TUSC3: variants seen among roughly 807,000 people sequenced by gnomAD.
TUSC3 encodes tumor suppressor candidate 3, also known as dolichyl-diphosphooligosaccharide--protein glycosyltransferase subunit TUSC3.
Under a neutral mutation model 44.8 loss-of-function variants are expected in TUSC3, and 45 were observed. The observed-to-expected ratio is 1.00, with a 90% CI of 0.79 to 1.29. The LOEUF (loss-of-function observed/expected upper bound fraction) is 1.29, where lower values mean the gene tolerates loss of function less well. TUSC3 is among the 50% of genes most tolerant of loss of function. The probability of loss-of-function intolerance (pLI) is 0.00; values close to 1 mark genes in which losing one functional copy is unlikely to be tolerated. For synonymous variants in TUSC3, 212 were observed against 152.9 expected, an observed-to-expected ratio of 1.39 and a Z score of -2.85; for missense variants, 519 against 437.9, an observed-to-expected ratio of 1.19 and a Z score of -1.65.
At chr8:15,572,594 G>A (rs950113851) in intron 1 of TUSC3, among the ~76,000 whole-genome samples, 6 of 152,162 alleles carry the variant, frequency 3.9e-5, no homozygotes, top group African/African-American at 1.4e-4. Flanking sequence ...CGGTGCAAGA[G>A]GTGTAGCTTT....
chr8:15,487,563 A>G (rs1284915736), intron 2 of TUSC3, among the ~76,000 whole-genome samples: 2 of 152,204 alleles, frequency 1.3e-5, no homozygotes, highest in African/African-American at 4.8e-5. Flanking sequence ...TTACTGAGAT[A>G]CTAAACATTT....
the TUSC3 span, among the ~76,000 whole-genome samples, chr8:15,779,265 G>A: frequency 2.0e-5 from 3 of 152,182 alleles, no homozygotes; most frequent in Middle Eastern, 3.4e-3. Flanking sequence ...TTGGGGTCTC[G>A]CTTTGTTGCC....
At chr8:15,523,548 T>A (rs1801325954) in intron 2 of TUSC3, among the ~76,000 whole-genome samples, 1 of 151,222 alleles carries the variant, frequency 6.6e-6, no homozygotes, top group Non-Finnish European at 1.5e-5. Context: ...AATAATAGCA[T>A]GTTAAATAAT....
At chr8:15,501,969 C>T (rs79893885) in intron 2 of TUSC3, among the ~76,000 whole-genome samples, 4,789 of 152,212 alleles carry the variant, frequency 0.031, 108 homozygotes, top group South Asian at 0.071. Context: ...TTCCTTCTGA[C>T]GTTTACCTTT....
the TUSC3 span, among the ~76,000 whole-genome samples, chr8:15,837,512 G>T: frequency 6.0e-5 from 9 of 150,858 alleles, no homozygotes; most frequent in African/African-American, 2.2e-4. Context: ...CCTGATTTTC[G>T]TCTTTCCCCC....
At chr8:15,509,334 C>T (rs1213405342) in intron 2 of TUSC3, among the ~76,000 whole-genome samples, 3 of 152,288 alleles carry the variant, frequency 2.0e-5, no homozygotes, top group Non-Finnish European at 2.9e-5. Context: ...AAAGGCCAGA[C>T]GTGATGGCTC....
chr8:15,747,417 C>G (rs182878651), intron 8 of TUSC3, among the ~76,000 whole-genome samples: 1 of 151,700 alleles, frequency 6.6e-6, no homozygotes, highest in Admixed American at 6.6e-5. Flanking sequence ...AAGAGATTAA[C>G]ACTAATTTCT....
intron 1 of TUSC3, among the ~76,000 whole-genome samples, chr8:15,462,692 A>G (rs767056695): frequency 6.6e-5 from 10 of 152,142 alleles, no homozygotes; most frequent in Non-Finnish European, 1.0e-4. Context: ...AATTTAGTCT[A>G]TTATACTCCT....
At chr8:15,421,092 T>C (rs1405335735) in intron 1 of TUSC3, among the ~76,000 whole-genome samples, 2 of 152,342 alleles carry the variant, frequency 1.3e-5, no homozygotes, top group East Asian at 3.9e-4. Context: ...CATGTCCAAA[T>C]TAATACATCC....
chr8:15,555,202 G>A (rs1166094008), intron 1 of TUSC3, among the ~76,000 whole-genome samples: 2 of 118,966 alleles, frequency 1.7e-5, no homozygotes, highest in Non-Finnish European at 3.3e-5. Flanking sequence ...AGGGTGGAGT[G>A]TAGTGGTGTG....
chr8:15,684,784 A>C (rs1808561565), intron 6 of TUSC3, among the ~76,000 whole-genome samples: 1 of 152,174 alleles, frequency 6.6e-6, no homozygotes, highest in African/African-American at 2.4e-5. Context: ...AGTTGGGACC[A>C]GATCCAGGGG....
At chr8:15,457,076 C>G (rs1049115398) in intron 1 of TUSC3, among the ~76,000 whole-genome samples, 2 of 149,472 alleles carry the variant, frequency 1.3e-5, no homozygotes, top group Non-Finnish European at 3.0e-5. Flanking sequence ...GATAAAAAAC[C>G]AAACACTGCG....
chr8:15,757,091 T>C (rs1254773677), intron 9 of TUSC3, among the ~76,000 whole-genome samples: 1 of 152,160 alleles, frequency 6.6e-6, no homozygotes, highest in East Asian at 1.9e-4. Context: ...GAGCTATGAT[T>C]GTGCCACTGC....
intron 1 of TUSC3, among the ~76,000 whole-genome samples, chr8:15,585,739 G>C (rs1290507884): frequency 6.6e-6 from 1 of 152,100 alleles, no homozygotes. Context: ...TTTTTTACCT[G>C]TTCGACTGTC....
At chr8:15,537,308 C>G (rs1391464332), upstream of TUSC3, among the ~76,000 whole-genome samples, 1 of 152,152 alleles carries the variant, frequency 6.6e-6, no homozygotes, top group Non-Finnish European at 1.5e-5. Context: ...CCTGGAAGCT[C>G]CCCTCCACCC....
chr8:15,445,829 G>C (rs905975865), intron 1 of TUSC3, among the ~76,000 whole-genome samples: 2 of 152,212 alleles, frequency 1.3e-5, no homozygotes, highest in Admixed American at 6.5e-5. Context: ...TGAGCTGTTG[G>C]GTACACCTCC....
chr8:15,730,823 T>A (rs1810692011), intron 7 of TUSC3, 94 bp downstream of exon 7: 1 of 1,199,292 alleles, frequency 8.3e-7, no homozygotes, highest in Non-Finnish European at 1.2e-6. Flanking sequence ...ATCAAGACTT[T>A]TAAGAGACAT....
intron 9 of TUSC3, among the ~76,000 whole-genome samples, chr8:15,756,116 C>T (rs758703540): frequency 6.6e-6 from 1 of 152,122 alleles, no homozygotes; most frequent in Non-Finnish European, 1.5e-5. Context: ...AAGACCCGAG[C>T]TCAAGGTTGG....
chr8:15,616,758 C>T (rs1805002230), intron 1 of TUSC3, among the ~76,000 whole-genome samples: 1 of 152,172 alleles, frequency 6.6e-6, no homozygotes, highest in Admixed American at 6.5e-5. Context: ...GCCCTAACAC[C>T]CCTTGGTGCT....
Sources: gnomAD v4.1 joint callset for allele counts (sites outside exome capture counted in the v4.1 genomes callset) on GRCh38, gnomAD v4.1.1 for gene constraint, MANE v1.5 for transcripts, NCBI Gene and HGNC (gene_info 2026-07-23, HGNC 2026-07-21) for gene names.